The following GRIP1 variants were observed in gnomAD, a reference collection of about 807,000 sequenced individuals.
GRIP1 encodes glutamate receptor interacting protein 1, also known as glutamate receptor-interacting protein 1.
A neutral mutation model predicts 129.9 loss-of-function variants in GRIP1; 45 were observed. The observed-to-expected ratio is 0.35, with a 90% CI of 0.27 to 0.44. The LOEUF is 0.44. GRIP1 is among the 20% of genes least tolerant of loss of function. GRIP1 has a pLI of 1.00. For missense variants in GRIP1, 1,196 were observed against 1,396.8 expected (o/e 0.86, Z 2.29); for synonymous variants, 530 against 520.8 (o/e 1.02, Z -0.24).
intron 2 of GRIP1, among the ~76,000 whole-genome samples, chr12:66,544,440 T>C (rs1250080860): frequency 2.0e-5 from 3 of 152,146 alleles, no homozygotes; most frequent in African/African-American, 7.2e-5. Context: ...CCATACAGCA[T>C]GAGTTGTAGG....
At chr12:66,493,258 C>T (rs1301648721) in intron 7 of GRIP1, among the ~76,000 whole-genome samples, 1 of 152,044 alleles carries the variant, frequency 6.6e-6, no homozygotes, top group Non-Finnish European at 1.5e-5. Flanking sequence ...AGTGAGTTTT[C>T]TTTTATTAGG....
At chr12:66,883,472 G>A (rs965045904) in intron 1 of GRIP1, among the ~76,000 whole-genome samples, 4 of 152,182 alleles carry the variant, frequency 2.6e-5, no homozygotes, top group African/African-American at 9.7e-5. Flanking sequence ...CCCTGACCAT[G>A]TTTACATTGT....
intron 1 of GRIP1, among the ~76,000 whole-genome samples, chr12:66,866,757 C>T (rs1052248690): frequency 1.3e-5 from 2 of 151,874 alleles, no homozygotes; most frequent in African/African-American, 4.8e-5. Context: ...TATATAGCCA[C>T]AAAAATTTAA....
intron 2 of GRIP1, among the ~76,000 whole-genome samples, chr12:66,577,068 A>C (rs1301004939): frequency 6.6e-6 from 1 of 152,202 alleles, no homozygotes; most frequent in Non-Finnish European, 1.5e-5. Context: ...AAGACCATTG[A>C]CAAACTAAAG....
intron 1 of GRIP1, among the ~76,000 whole-genome samples, chr12:66,938,706 C>A (rs1032051976): frequency 8.5e-5 from 13 of 152,100 alleles, no homozygotes; most frequent in African/African-American, 3.1e-4. Flanking sequence ...TGCCTGTAAT[C>A]CCAGCACTTT....
At chr12:66,404,307 T>C (rs1232583473) in intron 16 of GRIP1, among the ~76,000 whole-genome samples, 1 of 152,238 alleles carries the variant, frequency 6.6e-6, no homozygotes, top group Non-Finnish European at 1.5e-5. Context: ...TAGCCTGACA[T>C]AACCGTGAAC....
chr12:66,525,078 C>T (rs2061174294), intron 5 of GRIP1, among the ~76,000 whole-genome samples: 1 of 152,206 alleles, frequency 6.6e-6, no homozygotes, highest in Admixed American at 6.5e-5. Context: ...CAGATGAATT[C>T]ACAGCCGAAT....
intron 2 of GRIP1, among the ~76,000 whole-genome samples, chr12:66,573,954 G>A (rs1371854424): frequency 1.3e-5 from 2 of 152,140 alleles, no homozygotes; most frequent in Non-Finnish European, 2.9e-5. Context: ...CTAAGATCAT[G>A]GAAAACATGA....
intron 1 of GRIP1, among the ~76,000 whole-genome samples, chr12:67,048,032 G>A (rs1463283141): frequency 1.3e-5 from 2 of 151,582 alleles, no homozygotes; most frequent in African/African-American, 4.9e-5. Context: ...ATTTACATTT[G>A]TGGTTCTTAG....
chr12:66,586,796 T>C (rs150863698), intron 2 of GRIP1, among the ~76,000 whole-genome samples: 30 of 152,340 alleles, frequency 2.0e-4, no homozygotes, highest in Admixed American at 3.9e-4. Context: ...CTCTACCTCC[T>C]AGTCTAAGCC....
chr12:66,950,889 C>T (rs2041746183), intron 1 of GRIP1, among the ~76,000 whole-genome samples: 2 of 152,272 alleles, frequency 1.3e-5, no homozygotes, highest in South Asian at 4.2e-4. Flanking sequence ...AAAGCTGCTT[C>T]TGAAGAAAGT....
chr12:66,978,467 C>T (rs2042188449), intron 1 of GRIP1, among the ~76,000 whole-genome samples: 1 of 151,994 alleles, frequency 6.6e-6, no homozygotes, highest in Admixed American at 6.6e-5. Context: ...TTTGAAATGA[C>T]CACTCTCTCT....
chr12:66,779,628 T>C (rs528735560), intron 1 of GRIP1, among the ~76,000 whole-genome samples: 7 of 152,352 alleles, frequency 4.6e-5, no homozygotes, highest in Non-Finnish European at 1.0e-4. Context: ...CCTGGATTAG[T>C]CATTCACTTT....
intron 7 of GRIP1, among the ~76,000 whole-genome samples, chr12:66,496,936 T>C (rs2138727408): frequency 6.6e-6 from 1 of 152,084 alleles, no homozygotes. Context: ...AAAGAGAGGA[T>C]GAATAAGAAT....
chr12:66,661,346 A>G (rs1348455948), intron 1 of GRIP1, among the ~76,000 whole-genome samples: 1 of 152,064 alleles, frequency 6.6e-6, no homozygotes, highest in Admixed American at 6.6e-5. Context: ...GCACTGAAAC[A>G]ATCAAAATCC....
intron 2 of GRIP1, among the ~76,000 whole-genome samples, chr12:66,552,934 CAGAGCTTCATG>C (rs542641093): frequency 4.5e-4 from 69 of 152,270 alleles, no homozygotes; most frequent in African/African-American, 1.6e-3. Context: ...TGCAGTGAGT[CAGAGCTTCATG>C]AGAGCCCTAC....
chr12:66,747,954 A>G (rs955232531), intron 1 of GRIP1, among the ~76,000 whole-genome samples: 7 of 152,182 alleles, frequency 4.6e-5, no homozygotes, highest in Non-Finnish European at 8.8e-5. Context: ...ATAAATTTAC[A>G]TATGTGTAAA....
Position 66,410,292 on chromosome 12 carries a change from T to C in GRIP1, c.1839-3864A>G, listed in dbSNP as rs147406304. ...AAAAAGAAGAGATAATTAGTAAGCT[T>C]GGAGACAGGACATTTGAAAATACAC... is the stretch of plus-strand genomic sequence containing the variant. On this transcript the variant is annotated intron_variant, in intron 15 of 24. Transcript: ENST00000359742. Among the ~76,000 whole-genome samples, 1,037 of 142,754 alleles carry C rather than the reference T, an allele frequency of 7.3e-3. 13 individuals carry two copies. Among genetic ancestry groups the C allele is most frequent in the African/African-American group, 0.026 (1,000 of 38,754 alleles). 93.7% of individuals were successfully genotyped at this position (142,754 alleles called of 152,430 possible). A position where few individuals can be genotyped will look rare whatever the true frequency, so the allele number is the denominator to read the frequency against.
chr12:67,055,063 G>A (rs147342878), intron 1 of GRIP1, among the ~76,000 whole-genome samples: 2 of 152,278 alleles, frequency 1.3e-5, no homozygotes, highest in African/African-American at 4.8e-5. Context: ...ACTGGACTAG[G>A]TTCAAGAGAG....
Sources: allele counts gnomAD v4.1 joint callset (sites outside exome capture counted in the v4.1 genomes callset), GRCh38; gene constraint gnomAD v4.1.1; transcripts MANE v1.5; gene names NCBI Gene and HGNC (gene_info 2026-07-23, HGNC 2026-07-21).